The following METTL15 variants were observed in gnomAD, a reference collection of about 807,000 sequenced individuals.
METTL15 encodes 12S rRNA N(4)-cytidine methyltransferase METTL15.
A neutral mutation model predicts 38.3 loss-of-function variants in METTL15; 34 were observed. The ratio of observed to expected loss-of-function variants is 0.89; its 90% CI spans 0.68 to 1.18. The LOEUF is 1.18. Among genes scored for constraint, METTL15 ranks in the 50% most tolerant of loss-of-function variants. The pLI, the probability that METTL15 is intolerant of heterozygous loss-of-function variation, is 0.00. For missense variants in METTL15, 438 were observed against 498.4 expected, an observed-to-expected ratio of 0.88 and a Z score of 1.15; for synonymous variants, 162 against 170.9, an observed-to-expected ratio of 0.95 and a Z score of 0.41.
intron 5 of METTL15, among the ~76,000 whole-genome samples, chr11:28,366,571 G>A (rs1170355566): frequency 6.6e-6 from 1 of 152,152 alleles, no homozygotes; most frequent in African/African-American, 2.4e-5. Flanking sequence ...TCACCCATAA[G>A]AAGAGAGGAG....
chr11:28,394,307 A>G (rs1776346452), intron 5 of METTL15, among the ~76,000 whole-genome samples: 1 of 152,170 alleles, frequency 6.6e-6, no homozygotes, highest in South Asian at 2.1e-4. Context: ...GAAGTTAAGA[A>G]GGAGCAGGAA....
intron 3 of METTL15, among the ~76,000 whole-genome samples, chr11:28,134,083 C>T (rs1251630005): frequency 1.3e-5 from 2 of 152,124 alleles, no homozygotes; most frequent in East Asian, 1.9e-4. Context: ...ATATTCCTAA[C>T]GGAACAACAT....
intron 3 of METTL15, among the ~76,000 whole-genome samples, chr11:28,339,160 T>C (rs935375772): frequency 6.6e-6 from 1 of 152,242 alleles, no homozygotes; most frequent in African/African-American, 2.4e-5. Flanking sequence ...TCAAAAGCTA[T>C]TTAAAATCTT....
intron 6 of METTL15, among the ~76,000 whole-genome samples, chr11:28,427,797 T>G (rs1273001318): frequency 6.6e-6 from 1 of 152,224 alleles, no homozygotes; most frequent in African/African-American, 2.4e-5. Context: ...TCCTGAGACT[T>G]TGCTGAAGTA....
intron 4 of METTL15, chr11:28,287,299 G>A: frequency 4.5e-6 from 1 of 220,382 alleles, no homozygotes; most frequent in Non-Finnish European, 9.4e-6. Context: ...TGGTCCATGA[G>A]GCCGGCTGAG....
At chr11:28,303,876 C>T (rs1194782923) in intron 6 of METTL15, among the ~76,000 whole-genome samples, 1 of 152,094 alleles carries the variant, frequency 6.6e-6, no homozygotes, top group African/African-American at 2.4e-5. Context: ...GTGAGACCCT[C>T]CAGGACATGG....
chr11:28,331,505 T>G lies in METTL15; in HGVS notation c.*664T>G, dbSNP rs771365299. 1 of 152,098 alleles carries G rather than the reference T, an allele frequency of 6.6e-6. No homozygotes were observed. The highest frequency in any genetic ancestry group is 1.5e-5 in the Non-Finnish European group (1 of 67,982). 9.4% of individuals were successfully genotyped at this position (152,098 alleles called of 1,614,324 possible). A position where few individuals can be genotyped will look rare whatever the true frequency, so the allele number is the denominator to read the frequency against. Reference sequence around the variant, plus strand: ...ACAGAGAATTGTTTCACAAAACTTATATTTCATGTCAATTGTATTTATTTT... The same window carrying G: ...ACAGAGAATTGTTTCACAAAACTTAGATTTCATGTCAATTGTATTTATTTT... On this transcript the variant is annotated 3_prime_UTR_variant, in exon 7 of 7. Transcript: ENST00000407364.
chr11:28,453,916 T>C (rs186213729), intron 6 of METTL15, among the ~76,000 whole-genome samples: 1 of 152,320 alleles, frequency 6.6e-6, no homozygotes, highest in Admixed American at 6.5e-5. Context: ...ACAGATCCCA[T>C]GGGAAGATAC....
At chr11:28,501,702 G>T (rs1851583989) in intron 6 of METTL15, among the ~76,000 whole-genome samples, 2 of 152,144 alleles carry the variant, frequency 1.3e-5, no homozygotes, top group African/African-American at 4.8e-5. Flanking sequence ...ACTCTCAGGA[G>T]TAAGACCAGT....
intron 4 of METTL15, among the ~76,000 whole-genome samples, chr11:28,357,647 C>G (rs960076218): frequency 1.3e-5 from 2 of 152,166 alleles, no homozygotes; most frequent in East Asian, 3.9e-4. Context: ...ATGGTAAGTG[C>G]TCAATAAATA....
chr11:28,274,814 A>T (rs747425479), intron 4 of METTL15, among the ~76,000 whole-genome samples: 72 of 152,046 alleles, frequency 4.7e-4, no homozygotes, highest in Non-Finnish European at 8.4e-4. Flanking sequence ...GAGGGATAGC[A>T]TTAGGAGATA....
At chr11:28,149,180 A>G (rs1161738193) in intron 3 of METTL15, among the ~76,000 whole-genome samples, 2 of 147,874 alleles carry the variant, frequency 1.4e-5, no homozygotes, top group African/African-American at 5.0e-5. Flanking sequence ...ACTTCAATTC[A>G]TTTTCTGATT....
intron 6 of METTL15, among the ~76,000 whole-genome samples, chr11:28,297,604 C>T (rs748978369): frequency 5.3e-5 from 8 of 152,070 alleles, no homozygotes; most frequent in Non-Finnish European, 1.2e-4. Flanking sequence ...TTTATTATAG[C>T]CTCTCTGTTT....
At chr11:28,274,081 A>G (rs1291050709) in intron 4 of METTL15, among the ~76,000 whole-genome samples, 1 of 152,094 alleles carries the variant, frequency 6.6e-6, no homozygotes, top group Non-Finnish European at 1.5e-5. Context: ...GAAGGCACAG[A>G]AAAACCCTTT....
intron 4 of METTL15, among the ~76,000 whole-genome samples, chr11:28,263,061 C>G (rs1256265336): frequency 6.6e-6 from 1 of 151,642 alleles, no homozygotes; most frequent in Non-Finnish European, 1.5e-5. Context: ...AAATGATTTC[C>G]AAACGCTTTA....
At chr11:28,280,160 C>G (rs990287958) in intron 4 of METTL15, among the ~76,000 whole-genome samples, 2 of 151,950 alleles carry the variant, frequency 1.3e-5, no homozygotes, top group Non-Finnish European at 2.9e-5. Flanking sequence ...CCATTTTTTC[C>G]CATTTTTCCC....
intron 3 of METTL15, among the ~76,000 whole-genome samples, chr11:28,158,990 A>G (rs988096177): frequency 6.6e-6 from 1 of 152,098 alleles, no homozygotes; most frequent in Non-Finnish European, 1.5e-5. Flanking sequence ...AAGGGGTGGA[A>G]GTGGAAGTGG....
intron 4 of METTL15, among the ~76,000 whole-genome samples, chr11:28,217,871 A>C (rs1852974080): frequency 6.6e-6 from 1 of 152,044 alleles, no homozygotes; most frequent in Non-Finnish European, 1.5e-5. Flanking sequence ...ATAGTTGTAG[A>C]TATGCGGCAT....
At chr11:28,528,302 T>C (rs1001666580), downstream of METTL15, among the ~76,000 whole-genome samples, 1 of 152,182 alleles carries the variant, frequency 6.6e-6, no homozygotes, top group Non-Finnish European at 1.5e-5. Flanking sequence ...CTAAGCCCAA[T>C]AGGCACCACT....
Sources: allele counts gnomAD v4.1 joint callset (sites outside exome capture counted in the v4.1 genomes callset), GRCh38; gene constraint gnomAD v4.1.1; transcripts MANE v1.5; gene names NCBI Gene and HGNC (gene_info 2026-07-23, HGNC 2026-07-21).